Variants in SVEP1 observed in about 807,000 individuals in gnomAD.
SVEP1 encodes sushi, von Willebrand factor type A, EGF and pentraxin domain-containing protein 1.
In SVEP1, 164 loss-of-function variants were observed where a neutral mutation model predicts 367.3. That is an observed-to-expected ratio of 0.45 (90% CI 0.39 to 0.51). SVEP1 has a LOEUF of 0.51. Among genes scored for constraint, SVEP1 ranks in the 20% least tolerant of loss-of-function variants. The pLI, the probability that SVEP1 is intolerant of heterozygous loss-of-function variation, is 0.00. For synonymous variants in SVEP1, 1,666 were observed against 1,611.6 expected, an observed-to-expected ratio of 1.03 and a Z score of -0.81; for missense variants, 4,117 against 4,425.3, an observed-to-expected ratio of 0.93 and a Z score of 1.98.
At chr9:110,368,757 C>T (rs1444394686) in intron 47 of SVEP1, among the ~76,000 whole-genome samples, 1 of 152,052 alleles carries the variant, frequency 6.6e-6, no homozygotes, top group African/African-American at 2.4e-5. Flanking sequence ...ATAATCTTGG[C>T]AGCTTCTAAA....
chr9:110,531,492 G>A (rs1830017283), intron 3 of SVEP1, among the ~76,000 whole-genome samples: 5 of 152,202 alleles, frequency 3.3e-5, no homozygotes, highest in Middle Eastern at 3.4e-3. Context: ...TTTTATAAGA[G>A]GATTTCCCTG....
chr9:110,498,882 C>T (rs549031286), intron 7 of SVEP1, among the ~76,000 whole-genome samples, 159 bp downstream of exon 7: 1 of 152,252 alleles, frequency 6.6e-6, no homozygotes, highest in South Asian at 2.1e-4. Flanking sequence ...GTAAATTCAC[C>T]ACTTTCAACC....
intron 9 of SVEP1, among the ~76,000 whole-genome samples, chr9:110,484,742 A>AG (rs1333740584): frequency 2.6e-5 from 4 of 152,102 alleles, no homozygotes; most frequent in African/African-American, 9.7e-5. Flanking sequence ...TAGATTTACA[A>AG]GAAAAAAAAA....
At position 110,519,961 on chromosome 9, in the gene SVEP1, A is replaced by C. The variant is rs530122642; in HGVS notation, c.965-5855T>G. 1.5e-4 allele frequency among the ~76,000 whole-genome samples: 23 copies of C among 152,280 alleles called. No individual in the cohort carries two copies. The South Asian group carries it at 4.8e-3, about 32-fold the overall frequency. Reference sequence around the variant, plus strand: ...ATAAGATGATTCCATAAATAGAATAATACTAAAAAGCAACTTAAAGAAATC... The same window carrying C: ...ATAAGATGATTCCATAAATAGAATACTACTAAAAAGCAACTTAAAGAAATC... On this transcript the variant is annotated intron_variant, in intron 3 of 47. Transcript: ENST00000374469.
intron 27 of SVEP1, among the ~76,000 whole-genome samples, chr9:110,441,064 G>A (rs1484567857): frequency 1.3e-5 from 2 of 152,062 alleles, no homozygotes; most frequent in East Asian, 3.9e-4. Context: ...AAAATATTGT[G>A]TAAATTTTGT....
At chr9:110,426,098 C>T (rs1828249413) in intron 36 of SVEP1, among the ~76,000 whole-genome samples, 1 of 152,042 alleles carries the variant, frequency 6.6e-6, no homozygotes, top group Non-Finnish European at 1.5e-5. Context: ...TGAGTGAGTC[C>T]ACAGGGGATA....
intron 3 of SVEP1, among the ~76,000 whole-genome samples, chr9:110,533,094 G>A (rs7873791): frequency 0.72 from 108,974 of 151,788 alleles, 39,965 homozygotes; most frequent in Admixed American, 0.79. Flanking sequence ...TAATGCTGCC[G>A]CTGATCTGAC....
chr9:110,484,527 G>T (rs749536719), intron 9 of SVEP1, among the ~76,000 whole-genome samples: 27 of 152,164 alleles, frequency 1.8e-4, no homozygotes, highest in Non-Finnish European at 3.5e-4. Context: ...CAGGACATAG[G>T]CAGAGGCAAA....
At chr9:110,373,631 T>TTTTTTTTTTTTTTTTTTTGAGACGG (rs1564121570) in intron 46 of SVEP1, among the ~76,000 whole-genome samples, 1 of 152,080 alleles carries the variant, frequency 6.6e-6, no homozygotes, top group African/African-American at 2.4e-5. Context: ...CCCTATGTTT[T>TTTTTTTTTTTTTTTTTTTGAGACGG]AAGTGGTGGC....
chr9:110,517,778 C>G (rs74476528), intron 3 of SVEP1, among the ~76,000 whole-genome samples: 2 of 116,752 alleles, frequency 1.7e-5, no homozygotes, highest in Non-Finnish European at 3.5e-5. Context: ...AAAAAAAAAG[C>G]CATACTTCAT....
At chr9:110,389,653 C>A in intron 40 of SVEP1, 66 bp from the exon 41 acceptor site, 1 of 1,575,924 alleles carries the variant, frequency 6.3e-7, no homozygotes, top group Non-Finnish European at 8.7e-7. Context: ...TAAGGAAATG[C>A]AAAGTAATCT....
chr9:110,398,269 T>C (rs1827800468), intron 40 of SVEP1, among the ~76,000 whole-genome samples: 1 of 152,144 alleles, frequency 6.6e-6, no homozygotes, highest in Non-Finnish European at 1.5e-5. Flanking sequence ...TAAGTGGTGT[T>C]GGGAAAACTG....
At chr9:110,478,919 T>C (rs1483763542) in intron 13 of SVEP1, among the ~76,000 whole-genome samples, 1 of 60,250 alleles carries the variant, frequency 1.7e-5, no homozygotes, top group African/African-American at 8.9e-5. Flanking sequence ...TTTCTTTTCT[T>C]TCTTCTTCTT....
intron 17 of SVEP1, among the ~76,000 whole-genome samples, chr9:110,466,264 G>T (rs975840842): frequency 1.3e-5 from 2 of 152,004 alleles, no homozygotes; most frequent in African/African-American, 4.8e-5. Context: ...AGTGTTTGAC[G>T]CATAGAACAC....
chr9:110,572,838 G>A (rs1830582800), intron 1 of SVEP1, among the ~76,000 whole-genome samples: 1 of 141,030 alleles, frequency 7.1e-6, no homozygotes, highest in East Asian at 2.1e-4. Flanking sequence ...TTTTTGCCTG[G>A]GAAATATATG....
At chr9:110,571,802 C>T (rs1053062495) in intron 1 of SVEP1, among the ~76,000 whole-genome samples, 5 of 152,106 alleles carry the variant, frequency 3.3e-5, no homozygotes, top group East Asian at 1.9e-4. Context: ...AAGTGCCAGG[C>T]GGGGACTCCA....
intron 40 of SVEP1, among the ~76,000 whole-genome samples, chr9:110,399,395 G>C (rs375164420): frequency 6.6e-6 from 1 of 151,602 alleles, no homozygotes; most frequent in Non-Finnish European, 1.5e-5. Flanking sequence ...GCTAAATGAC[G>C]AATTAATGGG....
At position 110,407,942 on chromosome 9, in the gene SVEP1, G is replaced by A. The variant is rs149466957; in HGVS notation, c.7658C>T (p.Ala2553Val). The change falls in exon 38 of 48, where the codon GCC becomes GTC. Residue 2553 changes from alanine to valine, a missense_variant. Ala to Val is a moderately conservative substitution (Grantham distance 64). Transcript: ENST00000374469. Reference sequence around the variant, plus strand: ...GGGTTGTGGGGAATCACAGTGGATGGCATTGCAAGATGGGGCATCTACATC... The same window carrying A: ...GGGTTGTGGGGAATCACAGTGGATGACATTGCAAGATGGGGCATCTACATC... ...DWDVDAPSCN[A>V]IHCDSPQPIE... 5.0e-4 allele frequency: 811 copies of A among 1,614,012 alleles called. 6 individuals carry two copies. The African/African-American group carries it at 9.6e-3, about 19-fold the overall frequency.
Position 110,377,394 on chromosome 9 carries a change from A to G in SVEP1, c.10409-28T>C, listed in dbSNP as rs200310378. 26 of 1,600,182 alleles carry G rather than the reference A, an allele frequency of 1.6e-5. No homozygotes were observed. The East Asian group carries it at 3.3e-4, about 21-fold the overall frequency. ...GGAAAAGAAGCAGGATGGGTCACAA[A>G]TGTAGGGAATTATGAAGGGAAGGAG... On this transcript the variant is annotated intron_variant, in intron 44 of 47. Transcript: ENST00000374469.
Sources: gnomAD v4.1 joint callset for allele counts (sites outside exome capture counted in the v4.1 genomes callset) on GRCh38, gnomAD v4.1.1 for gene constraint, MANE v1.5 for transcripts, NCBI Gene and HGNC (gene_info 2026-07-23, HGNC 2026-07-21) for gene names.